Variants in SGCZ observed in about 807,000 individuals in gnomAD.
The protein encoded by SGCZ is zeta-sarcoglycan.
Under a neutral mutation model 41.3 loss-of-function variants are expected in SGCZ, and 40 were observed. That is an observed-to-expected ratio of 0.97 (90% CI 0.75 to 1.26). SGCZ has a LOEUF of 1.26. Ranked by LOEUF, SGCZ falls within the 50% of genes most tolerant of loss-of-function variation. The pLI is 0.00. For missense variants in SGCZ, 552 were observed against 369.8 expected (o/e 1.49, Z -4.04); for synonymous variants, 206 against 137.5 (o/e 1.50, Z -3.49).
At chr8:14,139,433 G>A (rs1199468002) in intron 5 of SGCZ, among the ~76,000 whole-genome samples, 4 of 152,054 alleles carry the variant, frequency 2.6e-5, no homozygotes, top group Admixed American at 1.3e-4. Context: ...TAACAAAATA[G>A]GTAGACTGCT....
chr8:14,243,922 C>A (rs536727460), intron 3 of SGCZ, among the ~76,000 whole-genome samples: 229 of 152,276 alleles, frequency 1.5e-3, no homozygotes, highest in African/African-American at 4.9e-3. Flanking sequence ...TTTAACTGAA[C>A]TGTCCTGAAA....
At chr8:14,793,566 G>T (rs1426847129) in intron 1 of SGCZ, among the ~76,000 whole-genome samples, 1 of 152,130 alleles carries the variant, frequency 6.6e-6, no homozygotes, top group Non-Finnish European at 1.5e-5. Context: ...TTCCTTAACT[G>T]GCAGTAGGGA....
At chr8:14,554,348 C>G (rs542357282) in intron 2 of SGCZ, among the ~76,000 whole-genome samples, 3 of 151,874 alleles carry the variant, frequency 2.0e-5, no homozygotes, top group Middle Eastern at 3.2e-3. Flanking sequence ...AATTCAAAGG[C>G]ACATATGATT....
At chr8:15,041,939 A>C (rs886610737) in intron 1 of SGCZ, among the ~76,000 whole-genome samples, 1 of 152,174 alleles carries the variant, frequency 6.6e-6, no homozygotes, top group African/African-American at 2.4e-5. Flanking sequence ...GATGAAACTA[A>C]TTCTACCATA....
At chr8:14,551,516 T>A (rs112450493) in intron 2 of SGCZ, among the ~76,000 whole-genome samples, 1,008 of 9,922 alleles carry the variant, frequency 0.1, 130 homozygotes, top group South Asian at 0.17. Flanking sequence ...ATTATATATA[T>A]TATATATAAT....
chr8:14,101,391 G>C (rs1046247068), intron 7 of SGCZ, among the ~76,000 whole-genome samples: 1 of 147,306 alleles, frequency 6.8e-6, no homozygotes, highest in Non-Finnish European at 1.5e-5. Flanking sequence ...ATTGGGGAGA[G>C]GTTATCTGAG....
intron 1 of SGCZ, among the ~76,000 whole-genome samples, chr8:14,865,497 G>A (rs971266911): frequency 6.6e-6 from 1 of 152,076 alleles, no homozygotes; most frequent in Admixed American, 6.6e-5. Context: ...TGGTGAAAAA[G>A]AAAGTTGGGT....
At chr8:14,935,839 C>T (rs1338809212) in intron 1 of SGCZ, among the ~76,000 whole-genome samples, 2 of 151,414 alleles carry the variant, frequency 1.3e-5, no homozygotes, top group South Asian at 4.2e-4. Flanking sequence ...TATAAAGGGA[C>T]CCTGCTAAAT....
At chr8:14,905,488 T>C (rs1279531041) in intron 1 of SGCZ, among the ~76,000 whole-genome samples, 1 of 152,042 alleles carries the variant, frequency 6.6e-6, no homozygotes, top group Non-Finnish European at 1.5e-5. Context: ...AATTGAAACT[T>C]GGAGAGCCAA....
chr8:14,663,840 T>C (rs757222041), intron 1 of SGCZ, among the ~76,000 whole-genome samples: 1 of 152,134 alleles, frequency 6.6e-6, no homozygotes, highest in Non-Finnish European at 1.5e-5. Flanking sequence ...TCTAGTCACA[T>C]ATCATTAGCA....
At chr8:14,209,682 C>A (rs1381759089) in intron 4 of SGCZ, among the ~76,000 whole-genome samples, 1 of 151,902 alleles carries the variant, frequency 6.6e-6, no homozygotes, top group East Asian at 1.9e-4. Context: ...ATTAGCTATG[C>A]CTATTTTACA....
At chr8:14,507,121 C>G (rs1802328827) in intron 2 of SGCZ, among the ~76,000 whole-genome samples, 1 of 130,036 alleles carries the variant, frequency 7.7e-6, no homozygotes. Flanking sequence ...CTAATCTTCC[C>G]TATCTTCCAA....
chr8:14,552,924 T>A lies in SGCZ; in HGVS notation c.234+1808A>T, dbSNP rs181848803. On this transcript the variant is annotated intron_variant, in intron 2 of 7. Transcript: ENST00000382080. ...GAAGTGAGAGAGCTTGTCGCATCATTCATGAGCTTTTGAAAGATGCCTTTG... is the reference window on the plus strand; with the variant it reads ...GAAGTGAGAGAGCTTGTCGCATCATACATGAGCTTTTGAAAGATGCCTTTG... 1.7e-3 allele frequency among the ~76,000 whole-genome samples: 264 copies of A among 151,936 alleles called. 1 individual carries two copies. The highest frequency in any genetic ancestry group is 3.2e-3 in the Non-Finnish European group (214 of 67,918).
intron 1 of SGCZ, among the ~76,000 whole-genome samples, chr8:14,833,416 C>G (rs4623423): frequency 0.58 from 87,822 of 151,932 alleles, 27,865 homozygotes; most frequent in East Asian, 0.84. Context: ...CTTGTCGGCT[C>G]GTGTCTTTTT....
chr8:14,720,514 A>G (rs577216649), intron 1 of SGCZ, among the ~76,000 whole-genome samples: 1 of 152,230 alleles, frequency 6.6e-6, no homozygotes, highest in South Asian at 2.1e-4. Context: ...CATTAACCTA[A>G]GGTTCCACTG....
intron 7 of SGCZ, among the ~76,000 whole-genome samples, chr8:14,098,317 T>C (rs1296047813): frequency 1.3e-5 from 2 of 152,158 alleles, no homozygotes; most frequent in East Asian, 1.9e-4. Flanking sequence ...AGATTTGTTT[T>C]TCTGATGTGA....
intron 1 of SGCZ, among the ~76,000 whole-genome samples, chr8:14,663,660 T>A (rs1328930890): frequency 1.3e-5 from 2 of 152,184 alleles, no homozygotes; most frequent in Non-Finnish European, 2.9e-5. Flanking sequence ...AATGAGCTAC[T>A]TTTATTTTTT....
intron 1 of SGCZ, among the ~76,000 whole-genome samples, chr8:14,740,845 A>G (rs1463947885): frequency 6.6e-6 from 1 of 152,038 alleles, no homozygotes; most frequent in East Asian, 1.9e-4. Context: ...GGCAAACACC[A>G]AGTCAGGAAT....
At chr8:14,550,680 T>C (rs946915601) in intron 2 of SGCZ, among the ~76,000 whole-genome samples, 1 of 151,932 alleles carries the variant, frequency 6.6e-6, no homozygotes, top group Non-Finnish European at 1.5e-5. Flanking sequence ...TATGAGGTCT[T>C]AACCAGCAAT....
Sources: allele counts gnomAD v4.1 joint callset (sites outside exome capture counted in the v4.1 genomes callset), GRCh38; gene constraint gnomAD v4.1.1; transcripts MANE v1.5; gene names NCBI Gene and HGNC (gene_info 2026-07-23, HGNC 2026-07-21).